FHIT: variants seen among roughly 807,000 people sequenced by gnomAD.
FHIT encodes bis(5'-adenosyl)-triphosphatase.
Under a neutral mutation model 17.9 loss-of-function variants are expected in FHIT, and 19 were observed. The ratio of observed to expected loss-of-function variants is 1.06; its 90% CI spans 0.74 to 1.56. FHIT has a LOEUF of 1.56. FHIT is among the 40% of genes most tolerant of loss of function. The pLI is 0.00. For synonymous variants in FHIT, 81 were observed against 69.7 expected (o/e 1.16, Z -0.81); for missense variants, 248 against 189.2 (o/e 1.31, Z -1.82).
rs115132755 is a variant in FHIT at position 60,184,795 on chromosome 3, T to C, written c.104-170643A>G. 2.7e-3 allele frequency among the ~76,000 whole-genome samples: 414 copies of C among 152,306 alleles called. 2 individuals are homozygous for C. Among genetic ancestry groups the C allele is most frequent in the African/African-American group, 9.3e-3 (388 of 41,570 alleles). On this transcript the variant is annotated intron_variant, in intron 5 of 9. Coordinates refer to ENST00000492590, the MANE Select transcript of FHIT (RefSeq NM_002012.4). Reference sequence around the variant, plus strand: ...AAACAGATTTTTCAATTCTACCTCATTTATTTGTTTATTCAATCATTTATT... The same window carrying C: ...AAACAGATTTTTCAATTCTACCTCACTTATTTGTTTATTCAATCATTTATT...
At chr3:60,467,755 A>T (rs2032877959) in intron 5 of FHIT, among the ~76,000 whole-genome samples, 1 of 152,074 alleles carries the variant, frequency 6.6e-6, no homozygotes. Flanking sequence ...TTCCTCGAGA[A>T]TGATCCATGA....
chr3:60,183,570 C>A (rs1702034433), intron 5 of FHIT, among the ~76,000 whole-genome samples: 1 of 152,168 alleles, frequency 6.6e-6, no homozygotes, highest in South Asian at 2.1e-4. Flanking sequence ...AGAGGTTCCA[C>A]AGACATTCTG....
intron 5 of FHIT, among the ~76,000 whole-genome samples, chr3:60,061,436 C>A (rs1702290706): frequency 1.3e-5 from 2 of 152,158 alleles, no homozygotes; most frequent in Non-Finnish European, 2.9e-5. Flanking sequence ...TCTGACTAAG[C>A]TAGCTTTCCT....
intron 4 of FHIT, among the ~76,000 whole-genome samples, chr3:60,579,811 C>A (rs574201749): frequency 2.0e-5 from 3 of 152,078 alleles, no homozygotes; most frequent in Non-Finnish European, 4.4e-5. Flanking sequence ...TTCAGAGGAA[C>A]GTTAATGTCT....
chr3:60,218,239 G>A (rs1419273399), intron 5 of FHIT, among the ~76,000 whole-genome samples: 1 of 152,196 alleles, frequency 6.6e-6, no homozygotes, highest in South Asian at 2.1e-4. Flanking sequence ...GCTTGTGAAA[G>A]AATGAGATAC....
chr3:60,230,685 A>G (rs1311083419), intron 5 of FHIT, among the ~76,000 whole-genome samples: 2 of 152,088 alleles, frequency 1.3e-5, no homozygotes, highest in African/African-American at 2.4e-5. Context: ...TTTTTGTCCA[A>G]AGAATTCTCA....
At chr3:60,297,596 C>T (rs1449097638) in intron 5 of FHIT, among the ~76,000 whole-genome samples, 1 of 151,982 alleles carries the variant, frequency 6.6e-6, no homozygotes, top group East Asian at 1.9e-4. Flanking sequence ...GCTAGTTTTA[C>T]TGCTTCCTTT....
At chr3:60,588,363 C>G (rs1553662890) in intron 4 of FHIT, among the ~76,000 whole-genome samples, 1 of 151,662 alleles carries the variant, frequency 6.6e-6, no homozygotes, top group Non-Finnish European at 1.5e-5. Flanking sequence ...AGTCAAATGA[C>G]TGAAATCTAA....
At chr3:60,893,866 G>A (rs6764919) in intron 3 of FHIT, among the ~76,000 whole-genome samples, 39,589 of 152,080 alleles carry the variant, frequency 0.26, 5,266 homozygotes, top group Middle Eastern at 0.33. Context: ...GAGAAATCAA[G>A]GCACCACATA....
At chr3:59,822,515 T>C (rs1034817154) in intron 8 of FHIT, among the ~76,000 whole-genome samples, 2 of 152,094 alleles carry the variant, frequency 1.3e-5, no homozygotes, top group African/African-American at 2.4e-5. Flanking sequence ...GGTAGTATCA[T>C]ATTGTGGTTT....
intron 4 of FHIT, among the ~76,000 whole-genome samples, chr3:60,671,294 T>C (rs1644537240): frequency 6.6e-6 from 1 of 152,090 alleles, no homozygotes; most frequent in Admixed American, 6.6e-5. Flanking sequence ...AAAGTATAAA[T>C]TATTTGGTCA....
chr3:60,400,658 C>T (rs1184426063), intron 5 of FHIT, among the ~76,000 whole-genome samples: 2 of 152,058 alleles, frequency 1.3e-5, no homozygotes, highest in Non-Finnish European at 1.5e-5. Context: ...AACAGAAACT[C>T]ACACGTGTCT....
At chr3:59,888,230 C>A (rs1703708569) in intron 8 of FHIT, among the ~76,000 whole-genome samples, 1 of 152,164 alleles carries the variant, frequency 6.6e-6, no homozygotes, top group Non-Finnish European at 1.5e-5. Context: ...CCTAGCTTGG[C>A]CAAGTGGCTC....
rs576417724 is a variant in FHIT at position 60,184,150 on chromosome 3, T to G, written c.104-169998A>C. ...TTACCGGGCATTATCACACCTAATT[T>G]GTTTTTTATTTTTTGGTAGAGACCA... On this transcript the variant is annotated intron_variant, in intron 5 of 9. Transcript: ENST00000492590. Among the ~76,000 whole-genome samples, 338 of 152,098 alleles carry G rather than the reference T, an allele frequency of 2.2e-3. 1 individual carries two copies. Among genetic ancestry groups the G allele is most frequent in the African/African-American group, 7.8e-3 (324 of 41,514 alleles).
At chr3:60,190,650 A>T (rs922749456) in intron 5 of FHIT, among the ~76,000 whole-genome samples, 1 of 152,038 alleles carries the variant, frequency 6.6e-6, no homozygotes, top group African/African-American at 2.4e-5. Context: ...GCATTAGGAG[A>T]TATACCTAAT....
intron 4 of FHIT, among the ~76,000 whole-genome samples, chr3:60,700,346 A>C (rs1278914868): frequency 1.3e-5 from 2 of 152,190 alleles, no homozygotes; most frequent in Non-Finnish European, 2.9e-5. Flanking sequence ...TTTGCTTTCT[A>C]ATTCCAACGG....
At chr3:59,950,806 C>A (rs908165645) in intron 7 of FHIT, among the ~76,000 whole-genome samples, 2 of 152,146 alleles carry the variant, frequency 1.3e-5, no homozygotes, top group Non-Finnish European at 2.9e-5. Flanking sequence ...CTGAATCCAA[C>A]GTTGAGAGCC....
chr3:60,188,356 T>A (rs1013080227), intron 5 of FHIT, among the ~76,000 whole-genome samples: 1 of 152,142 alleles, frequency 6.6e-6, no homozygotes, highest in African/African-American at 2.4e-5. Flanking sequence ...ACACCGTAGA[T>A]GCTGACATGC....
At chr3:59,856,023 C>T (rs546659068) in intron 8 of FHIT, among the ~76,000 whole-genome samples, 4 of 152,120 alleles carry the variant, frequency 2.6e-5, no homozygotes, top group East Asian at 1.9e-4. Flanking sequence ...CTTCGTGATC[C>T]ACCCGCCTCG....
Sources: gnomAD v4.1 joint callset for allele counts (sites outside exome capture counted in the v4.1 genomes callset) on GRCh38, gnomAD v4.1.1 for gene constraint, MANE v1.5 for transcripts, NCBI Gene and HGNC (gene_info 2026-07-23, HGNC 2026-07-21) for gene names.